Variants in GGACT observed in about 807,000 individuals in gnomAD.
GGACT encodes the protein gamma-glutamylaminecyclotransferase.
For missense variants in GGACT, 241 were observed against 233.2 expected (o/e 1.03, Z -0.22); for synonymous variants, 118 against 115.3 (o/e 1.02, Z -0.15).
At position 100,534,716 on chromosome 13, in the gene GGACT, C is replaced by G. The variant is rs909248413; in HGVS notation, c.-10-2115G>C. Among the ~76,000 whole-genome samples, 1 of 152,174 alleles carries G rather than the reference C, an allele frequency of 6.6e-6. No homozygotes were observed. Among genetic ancestry groups the G allele is most frequent in the Non-Finnish European group, 1.5e-5 (1 of 68,030 alleles). ...CCCCAGCGAGACCCATCAGCACTTCCCCTGCCACGTCTCCCAACCTGCTCT... is the reference window on the plus strand; with the variant it reads ...CCCCAGCGAGACCCATCAGCACTTCGCCTGCCACGTCTCCCAACCTGCTCT... On this transcript the variant is annotated intron_variant, in intron 2 of 2. Coordinates refer to ENST00000683975, the MANE Select transcript of GGACT (RefSeq NM_001195087.2). This position sits in a 1 kb window ranked among gnomAD's most constrained non-coding sequence, Gnocchi z 4.9.
intron 2 of GGACT, among the ~76,000 whole-genome samples, chr13:100,549,196 C>T (rs1416694500): frequency 1.3e-5 from 2 of 152,094 alleles, no homozygotes; most frequent in African/African-American, 4.8e-5. Flanking sequence ...ACAAAATTAG[C>T]CAGATGTGGT....
intron 2 of GGACT, among the ~76,000 whole-genome samples, chr13:100,543,197 CTTTTTTT>C (rs147710327): frequency 9.6e-4 from 67 of 69,894 alleles, no homozygotes; most frequent in African/African-American, 3.5e-3. Context: ...AAGACACCAG[CTTTTTTT>C]TTTTTTTTTT....
At chr13:100,578,064 GCCCTGA>G (rs1875305821) in intron 2 of GGACT, among the ~76,000 whole-genome samples, 1 of 152,142 alleles carries the variant, frequency 6.6e-6, no homozygotes, top group African/African-American at 2.4e-5. Flanking sequence ...TTCTAAGAGA[GCCCTGA>G]TCACAAAGTT....
intron 2 of GGACT, among the ~76,000 whole-genome samples, chr13:100,553,895 G>A (rs2088689890): frequency 6.6e-6 from 1 of 151,236 alleles, no homozygotes; most frequent in Non-Finnish European, 1.5e-5. Flanking sequence ...CTGTGCCAGG[G>A]GCCAGGTACA....
chr13:100,558,738 A>C (rs1220579749), intron 2 of GGACT, among the ~76,000 whole-genome samples: 2 of 152,160 alleles, frequency 1.3e-5, no homozygotes, highest in African/African-American at 4.8e-5. Context: ...CAGGCGTAGA[A>C]AGACAGATAC....
intron 2 of GGACT, chr13:100,580,256 GGACTTTGCACAT>G (rs1446148362): frequency 1.3e-5 from 2 of 152,260 alleles, no homozygotes; most frequent in African/African-American, 4.8e-5. Context: ...CACGGCAAAG[GGACTTTGCACAT>G]GTGATTAATT....
chr13:100,543,627 G>C (rs1473683353), intron 2 of GGACT, among the ~76,000 whole-genome samples: 1 of 152,178 alleles, frequency 6.6e-6, no homozygotes, highest in African/African-American at 2.4e-5. Flanking sequence ...TCATGTCAAA[G>C]CATCTGTTTT....
chr13:100,568,552 A>T (rs1874982197), intron 2 of GGACT, among the ~76,000 whole-genome samples: 1 of 152,244 alleles, frequency 6.6e-6, no homozygotes, highest in Non-Finnish European at 1.5e-5. Flanking sequence ...GCCTCCCATG[A>T]CACGTCAGGA....
At chr13:100,543,598 T>C (rs760288639) in intron 2 of GGACT, among the ~76,000 whole-genome samples, 4 of 152,222 alleles carry the variant, frequency 2.6e-5, no homozygotes, top group Non-Finnish European at 5.9e-5. Flanking sequence ...GAGGAAATGT[T>C]AGTAAAATCT....
At chr13:100,537,834 G>C (rs182205526) in intron 2 of GGACT, 2 of 152,430 alleles carry the variant, frequency 1.3e-5, no homozygotes, top group East Asian at 3.9e-4. Flanking sequence ...TGCCAGGACA[G>C]AGCAGGTACT....
At chr13:100,542,267 C>G (rs988299732) in intron 2 of GGACT, among the ~76,000 whole-genome samples, 7 of 152,172 alleles carry the variant, frequency 4.6e-5, no homozygotes, top group Admixed American at 2.6e-4. Flanking sequence ...GCTGACCCCC[C>G]CAGCAAGAAG....
intron 2 of GGACT, among the ~76,000 whole-genome samples, chr13:100,565,578 C>T (rs1416167214): frequency 1.3e-5 from 2 of 152,146 alleles, no homozygotes; most frequent in Non-Finnish European, 2.9e-5. Context: ...CTCAGGTTAA[C>T]CCCCCTTTCC....
intron 2 of GGACT, among the ~76,000 whole-genome samples, chr13:100,577,312 A>T (rs1217503220): frequency 1.3e-5 from 2 of 151,980 alleles, no homozygotes; most frequent in African/African-American, 4.8e-5. Context: ...GCTACTCGGG[A>T]GGCTAAGGCA....
rs555275763 is a variant in GGACT at position 100,549,511 on chromosome 13, G to A, written c.-10-16910C>T. On this transcript the variant is annotated intron_variant, in intron 2 of 2. Coordinates refer to ENST00000683975, the MANE Select transcript of GGACT (RefSeq NM_001195087.2). Reference sequence around the variant, plus strand: ...TCAGGAGCTAAAAGGAACCCAACTGGCCATTGAAAACTGGGCAACAAGTTG... The same window carrying A: ...TCAGGAGCTAAAAGGAACCCAACTGACCATTGAAAACTGGGCAACAAGTTG... 5.3e-5 allele frequency among the ~76,000 whole-genome samples: 8 copies of A among 152,308 alleles called. No individual in the cohort carries two copies. The South Asian group carries it at 1.7e-3, about 32-fold the overall frequency.
At chr13:100,532,648 G>C (rs1305683158) in intron 2 of GGACT, 47 bp from the exon 3 acceptor site, 7 of 1,432,766 alleles carry the variant, frequency 4.9e-6, no homozygotes, top group Non-Finnish European at 6.6e-6. Flanking sequence ...TGGGAGCTCT[G>C]TGTCTGCACC....
intron 2 of GGACT, among the ~76,000 whole-genome samples, chr13:100,573,189 C>G (rs1469321107): frequency 1.3e-5 from 2 of 152,178 alleles, no homozygotes; most frequent in African/African-American, 4.8e-5. Context: ...TAGCTCTCCA[C>G]AAGTCCTTAC....
chr13:100,579,277 C>A (rs1182234011), intron 2 of GGACT, among the ~76,000 whole-genome samples: 1 of 152,118 alleles, frequency 6.6e-6, no homozygotes, highest in African/African-American at 2.4e-5. Flanking sequence ...GCAGCAAAAC[C>A]ACCCCCAGGG....
chr13:100,552,325 A>G (rs981609729), intron 2 of GGACT, among the ~76,000 whole-genome samples: 10 of 152,182 alleles, frequency 6.6e-5, no homozygotes, highest in South Asian at 4.1e-4. Context: ...CAGAAGAGTT[A>G]TTTAACTGAC....
At chr13:100,551,199 G>A (rs1162678132) in intron 2 of GGACT, among the ~76,000 whole-genome samples, 1 of 151,968 alleles carries the variant, frequency 6.6e-6, no homozygotes, top group Non-Finnish European at 1.5e-5. Context: ...CAGGAGAATG[G>A]CATGAATCCG....
Sources: allele counts gnomAD v4.1 joint callset (sites outside exome capture counted in the v4.1 genomes callset), GRCh38; gene constraint gnomAD v4.1.1; non-coding constraint Gnocchi (gnomAD v3.1); transcripts MANE v1.5; gene names NCBI Gene and HGNC (gene_info 2026-07-23, HGNC 2026-07-21).